GPX3: variants seen among roughly 807,000 people sequenced by gnomAD.
The protein encoded by GPX3 is GPx-3.
Under a neutral mutation model 25.1 loss-of-function variants are expected in GPX3, and 22 were observed. The observed-to-expected ratio is 0.88, with a 90% confidence interval of 0.63 to 1.25. The LOEUF (loss-of-function observed/expected upper bound fraction) is 1.25, where lower values mean the gene tolerates loss of function less well. Among genes scored for constraint, GPX3 ranks in the 50% most tolerant of loss-of-function variants. GPX3 has a pLI of 0.00. For synonymous variants in GPX3, 110 were observed against 114.5 expected, an observed-to-expected ratio of 0.96 and a Z score of 0.25; for missense variants, 278 against 286.6, an observed-to-expected ratio of 0.97 and a Z score of 0.22.
At position 151,025,352 on chromosome 5, in the gene GPX3, G is replaced by A. The variant is rs911673697; in HGVS notation, c.100G>A (p.Gly34Ser). The change falls in exon 2 of 5, where the codon GGT becomes AGT. Residue 34 changes from glycine to serine, a missense_variant. By Grantham distance (56) the Gly-to-Ser change is moderately conservative. Coordinates refer to ENST00000388825, the MANE Select transcript of GPX3 (RefSeq NM_002084.5). ...GCCTGTGTTCCAGATGGACTGCCAT[G>A]GTGGCATAAGTGGCACCATTTACGA... ...GQEKSKMDCH[G>S]GISGTIYEYG... is the part of the protein sequence containing the mutation. 8 of 1,594,640 alleles carry A rather than the reference G, an allele frequency of 5.0e-6. No homozygotes were observed. The highest frequency in any genetic ancestry group is 6.8e-6 in the Non-Finnish European group (8 of 1,169,196).
intron 1 of GPX3, 88 bp downstream of exon 1, chr5:151,020,829 C>A: frequency 1.6e-6 from 2 of 1,257,144 alleles, no homozygotes; most frequent in South Asian, 1.3e-5. Context: ...TTTTCCCAGG[C>A]TCCCCGCCAG....
At chr5:151,026,879 T>C in intron 2 of GPX3, 21 bp from the exon 3 acceptor site, 3 of 1,566,048 alleles carry the variant, frequency 1.9e-6, no homozygotes, top group Middle Eastern at 3.4e-4. Flanking sequence ...CTCCCACATC[T>C]GCTCTTTCTC....
Position 151,027,916 on chromosome 5 carries a change from G to A in GPX3, c.467G>A (p.Cys156Tyr). Residue 156 changes from cysteine to tyrosine, a missense_variant, in exon 5 of 5, where the codon TGT becomes TAT. Coordinates refer to ENST00000388825, the MANE Select transcript of GPX3 (RefSeq NM_002084.5). Reference protein sequence around the residue: ...QKFYTFLKNSCPPTSELLGTS... With the variant: ...QKFYTFLKNSYPPTSELLGTS... ...CTCTTATCCCTGCTCTAGAACTCCT[G>A]TCCTCCCACCTCGGAGCTCCTGGGT... The A allele has an allele frequency of 1.2e-6, 2 of 1,614,046 alleles. No homozygotes were observed. Among genetic ancestry groups the A allele is most frequent in the Non-Finnish European group, 1.7e-6 (2 of 1,179,924 alleles).
chr5:151,024,535 A>G (rs4958873), intron 1 of GPX3, among the ~76,000 whole-genome samples: 119,653 of 152,148 alleles, frequency 0.79, 47,680 homozygotes, highest in East Asian at 0.97. Flanking sequence ...GTTAATGGCA[A>G]AGGGACATGG....
chr5:151,020,599 G>C lies in GPX3; in HGVS notation c.-56G>C. The C allele has an allele frequency of 6.8e-7, 1 of 1,467,300 alleles. No individual in the cohort carries two copies. Among genetic ancestry groups the C allele is most frequent in the South Asian group, 1.2e-5 (1 of 81,738 alleles). 90.9% of individuals were successfully genotyped at this position (1,467,300 alleles called of 1,614,324 possible). On this transcript the variant is annotated 5_prime_UTR_variant, in exon 1 of 5. Coordinates refer to ENST00000388825, the MANE Select transcript of GPX3 (RefSeq NM_002084.5). ...GGAGCGCCGGACACCTCAGACGGACGGTGGCCAGGGATCAGGCAGCGGCTC... is the reference window on the plus strand; with the variant it reads ...GGAGCGCCGGACACCTCAGACGGACCGTGGCCAGGGATCAGGCAGCGGCTC...
chr5:151,026,938 C>A lies in GPX3; in HGVS notation c.280C>A (p.Leu94Met). 1 of 1,614,160 alleles carries A rather than the reference C, an allele frequency of 6.2e-7. No homozygotes were observed. Among genetic ancestry groups the A allele is most frequent in the Non-Finnish European group, 8.5e-7 (1 of 1,180,002 alleles). ...ALQEELAPFG[L>M]VILGFPCNQF... is the part of the protein sequence containing the mutation. ...ACAGGAAGAGCTTGCACCATTCGGT[C>A]TGGTCATTCTGGGCTTTCCCTGCAA... Residue 94 changes from leucine to methionine, a missense_variant, in exon 3 of 5, where the codon CTG becomes ATG. Physicochemically the swap from Leu to Met is conservative, Grantham distance 15. Transcript: ENST00000388825.
Position 151,025,420 on chromosome 5 carries a change from C to A in GPX3, c.168C>A (p.Phe56Leu), listed in dbSNP as rs1475790571. ...LTIDGEEYIP[F>L]KQYAGKYVLF... is the part of the protein sequence containing the mutation. ...TTGATGGGGAGGAGTACATCCCCTTCAAGCAGTATGCTGGCAAATACGTCC... is the reference window on the plus strand; with the variant it reads ...TTGATGGGGAGGAGTACATCCCCTTAAAGCAGTATGCTGGCAAATACGTCC... Residue 56 changes from phenylalanine to leucine, a missense_variant, in exon 2 of 5, where the codon TTC becomes TTA. Coordinates refer to ENST00000388825, the MANE Select transcript of GPX3 (RefSeq NM_002084.5). 4 of 1,612,896 alleles carry A rather than the reference C, an allele frequency of 2.5e-6. No individual in the cohort carries two copies. The East Asian group carries it at 8.9e-5, about 36-fold the overall frequency.
At chr5:151,026,854 C>T (rs1207449344) in intron 2 of GPX3, 46 bp from the exon 3 acceptor site, 1 of 1,398,574 alleles carries the variant, frequency 7.2e-7, no homozygotes, top group East Asian at 2.3e-5. Context: ...TGAGACAGGG[C>T]TCCTCGCCAG....
intron 1 of GPX3, among the ~76,000 whole-genome samples, chr5:151,024,570 C>T (rs954979058): frequency 6.6e-6 from 1 of 152,236 alleles, no homozygotes. Flanking sequence ...AGCCCACAGT[C>T]CACTGCACTC....
rs757168447 is a variant in GPX3, at chr5:151,027,980, C to T, written c.531C>T (p.His177=). The change falls in exon 5 of 5, where the codon CAC becomes CAT. Residue 177 remains histidine (H), a synonymous_variant. Transcript: ENST00000388825. ...DRLFWEPMKV[H]DIRWNFEKFL... is the part of the protein sequence containing the mutation. ...TCTTCTGGGAACCCATGAAGGTTCACGACATCCGCTGGAACTTTGAGAAGT... is the reference window on the plus strand; with the variant it reads ...TCTTCTGGGAACCCATGAAGGTTCATGACATCCGCTGGAACTTTGAGAAGT... 1.5e-5 allele frequency: 25 copies of T among 1,614,170 alleles called. No individual in the cohort carries two copies. Among genetic ancestry groups the T allele is most frequent in the Non-Finnish European group, 2.0e-5 (24 of 1,180,018 alleles).
chr5:151,023,180 C>A lies in GPX3; in HGVS notation c.88-2160C>A, dbSNP rs558987744. Among the ~76,000 whole-genome samples, 11 of 152,250 alleles carry A rather than the reference C, an allele frequency of 7.2e-5. No individual in the cohort carries two copies. The East Asian group carries it at 2.1e-3, about 29-fold the overall frequency. ...CCCTTATCTCCTCTGGCCACTGTTTCAGATGCGGTGCTCTGGGATTCCACG... is the reference window on the plus strand; with the variant it reads ...CCCTTATCTCCTCTGGCCACTGTTTAAGATGCGGTGCTCTGGGATTCCACG... On this transcript the variant is annotated intron_variant, in intron 1 of 4. Transcript: ENST00000388825.
At position 151,028,368 on chromosome 5, in the gene GPX3, T is replaced by G. The variant is rs903428314; in HGVS notation, c.*238T>G. On this transcript the variant is annotated 3_prime_UTR_variant, in exon 5 of 5. Coordinates refer to ENST00000388825, the MANE Select transcript of GPX3 (RefSeq NM_002084.5). ...GCGTGATTGTGTGTGTGTGCATGGG[T>G]GTACAGCCACGTGTCTACCTATGTG... is the stretch of plus-strand genomic sequence containing the variant. 5.5e-6 allele frequency: 3 copies of G among 542,102 alleles called. No homozygotes were observed. The highest frequency in any genetic ancestry group is 1.0e-5 in the Non-Finnish European group (3 of 297,812). 33.6% of individuals were successfully genotyped at this position (542,102 alleles called of 1,614,324 possible).
chr5:151,022,893 T>C (rs776380683), intron 1 of GPX3, among the ~76,000 whole-genome samples: 12 of 152,026 alleles, frequency 7.9e-5, no homozygotes, highest in Non-Finnish European at 1.8e-4. Flanking sequence ...CATCTTACAA[T>C]GGAGGAGCTG....
At chr5:151,023,583 C>G (rs1468598378) in intron 1 of GPX3, among the ~76,000 whole-genome samples, 2 of 152,116 alleles carry the variant, frequency 1.3e-5, no homozygotes, top group East Asian at 1.9e-4. Context: ...TTTTTTTCCT[C>G]CATGTCTCAG....
At chr5:151,021,656 G>A (rs1020450574) in intron 1 of GPX3, 3 of 152,320 alleles carry the variant, frequency 2.0e-5, no homozygotes, top group African/African-American at 7.2e-5. Context: ...CCCACACCTG[G>A]AGTGGGGATA....
At chr5:151,026,673 G>A (rs1392803494) in intron 2 of GPX3, 1 of 426,872 alleles carries the variant, frequency 2.3e-6, no homozygotes, top group African/African-American at 2.0e-5. Context: ...CTTGAGGAAG[G>A]GTATTATTCT....
In GPX3 at chr5:151,027,478, G is replaced by A. The variant is rs1364250368; in HGVS notation, c.406G>A (p.Glu136Lys). ...GGFVPNFQLF[E>K]KGDVNGEKEQ... is the part of the protein sequence containing the mutation. ...CTTTGTCCCTAATTTCCAGCTCTTT[G>A]AGAAAGGGGATGTCAATGGAGAGAA... The change falls in exon 4 of 5, where the codon GAG becomes AAG. Residue 136 changes from glutamate to lysine, a missense_variant. Glu to Lys is a moderately conservative substitution (Grantham distance 56). Transcript: ENST00000388825. 1 of 1,613,916 alleles carries A rather than the reference G, an allele frequency of 6.2e-7. No homozygotes were observed. The highest frequency in any genetic ancestry group is 1.1e-5 in the South Asian group (1 of 91,072).
rs982448645 is a variant in GPX3, at chr5:151,028,247, C to T, written c.*117C>T. 2 of 914,056 alleles carry T rather than the reference C, an allele frequency of 2.2e-6. No homozygotes were observed. Among genetic ancestry groups the T allele is most frequent in the African/African-American group, 3.3e-5 (2 of 60,884 alleles). The allele number at this position is 914,056 out of a possible 1,614,324, so 56.6% of individuals were successfully genotyped here. A position where few individuals can be genotyped will look rare whatever the true frequency, so the allele number is the denominator to read the frequency against. ...CAGACCCCTTTCCTATCACTCAAGG[C>T]CCCAGCCTGGCACAAATGGATGCAT... On this transcript the variant is annotated 3_prime_UTR_variant, in exon 5 of 5. Coordinates refer to ENST00000388825, the MANE Select transcript of GPX3 (RefSeq NM_002084.5).
At chr5:151,024,523 G>C (rs765784202) in intron 1 of GPX3, among the ~76,000 whole-genome samples, 3 of 152,134 alleles carry the variant, frequency 2.0e-5, no homozygotes, top group Non-Finnish European at 4.4e-5. Context: ...ACCACACAGG[G>C]AGTTAATGGC....
Sources: allele counts gnomAD v4.1 joint callset (sites outside exome capture counted in the v4.1 genomes callset), GRCh38; gene constraint gnomAD v4.1.1; transcripts MANE v1.5; gene names NCBI Gene and HGNC (gene_info 2026-07-23, HGNC 2026-07-21).